Variants in PHC3 observed in about 807,000 individuals in gnomAD.
PHC3 encodes polyhomeotic-like protein 3.
PHC3 carries 13 observed loss-of-function variants against 107.4 expected under a neutral mutation model. That is an observed-to-expected ratio of 0.12 (90% CI 0.08 to 0.19). The LOEUF is 0.19. PHC3 is among the 10% of genes least tolerant of loss of function. PHC3 has a pLI of 1.00. For missense variants in PHC3, 992 were observed against 1,210.9 expected (o/e 0.82, Z 2.68); for synonymous variants, 456 against 427.4 (o/e 1.07, Z -0.83).
At chr3:170,126,504 G>GTATATATATATATATATA (rs1174515889) in intron 8 of PHC3, among the ~76,000 whole-genome samples, 3 of 117,304 alleles carry the variant, frequency 2.6e-5, no homozygotes, top group African/African-American at 1.0e-4. Flanking sequence ...TGCTCCATAT[G>GTATATATATATATATATA]TATATATATA....
rs2108531244 is a variant in PHC3, at chr3:170,140,286, GAGTCTC to G, written c.673-3627_673-3622del. Among the ~76,000 whole-genome samples the G allele has an allele frequency of 2.0e-5, 3 of 151,434 alleles. No homozygotes were observed. In the South Asian group the frequency reaches 6.3e-4, roughly 32 times the overall value. Reference sequence around the variant, plus strand: ...TTTCTTTTTTACTTTTTTTGAGACAGAGTCTCACTCAGGCTAGAGGGCAGTGGTTCA... The same window carrying G: ...TTTCTTTTTTACTTTTTTTGAGACAGACTCAGGCTAGAGGGCAGTGGTTCA... On this transcript the variant is annotated intron_variant, in intron 6 of 14. Coordinates refer to ENST00000495893, the MANE Select transcript of PHC3 (RefSeq NM_024947.4).
In PHC3 at chr3:170,090,942, A is replaced by G. The variant is rs1483832586; in HGVS notation, c.*6288T>C. 6.6e-6 allele frequency: 1 copy of G among 152,190 alleles called. No individual in the cohort carries two copies. Among genetic ancestry groups the G allele is most frequent in the African/African-American group, 2.4e-5 (1 of 41,442 alleles). The allele number at this position is 152,190 out of a possible 1,614,324, so 9.4% of individuals were successfully genotyped here. A position where few individuals can be genotyped will look rare whatever the true frequency, so the allele number is the denominator to read the frequency against. On this transcript the variant is annotated 3_prime_UTR_variant, in exon 15 of 15. Transcript: ENST00000495893. ...CCAAAACAAAAAATACTTTTAAGAG[A>G]AGCATTCTAAATAAAGATTTAAACA...
At position 170,089,588 on chromosome 3, in the gene PHC3, A is replaced by G. The variant is rs1420899628; in HGVS notation, c.*7642T>C. 1 of 152,204 alleles carries G rather than the reference A, an allele frequency of 6.6e-6. No individual in the cohort carries two copies. Among genetic ancestry groups the G allele is most frequent in the Non-Finnish European group, 1.5e-5 (1 of 68,022 alleles). 9.4% of individuals were successfully genotyped at this position (152,204 alleles called of 1,614,324 possible). On this transcript the variant is annotated 3_prime_UTR_variant, in exon 15 of 15. Transcript: ENST00000495893. Reference sequence around the variant, plus strand: ...AAAATAAATGAACAAGTCAGTTCCAATGATCTCCTTTGAGATTTTTCAGTT... The same window carrying G: ...AAAATAAATGAACAAGTCAGTTCCAGTGATCTCCTTTGAGATTTTTCAGTT...
chr3:170,126,528 AT>A (rs1553788612), intron 8 of PHC3, among the ~76,000 whole-genome samples: 21,368 of 90,380 alleles, frequency 0.24, 1,771 homozygotes, highest in Non-Finnish European at 0.26. Flanking sequence ...ATATATATAT[AT>A]TTTTTTTTTT....
intron 9 of PHC3, among the ~76,000 whole-genome samples, chr3:170,120,949 G>A (rs973866716): frequency 1.3e-5 from 2 of 152,120 alleles, no homozygotes; most frequent in African/African-American, 4.8e-5. Context: ...CAGATCAGGG[G>A]TCAGCAAACT....
chr3:170,129,993 C>T (rs908515912), intron 7 of PHC3, among the ~76,000 whole-genome samples: 4 of 152,174 alleles, frequency 2.6e-5, no homozygotes, highest in Non-Finnish European at 5.9e-5. Flanking sequence ...GCCATCACGC[C>T]TGGCCTGAAT....
chr3:170,176,225 CAA>C (rs375783409), intron 2 of PHC3, among the ~76,000 whole-genome samples: 14 of 82,322 alleles, frequency 1.7e-4, no homozygotes, highest in Admixed American at 1.3e-4. Context: ...GACTCGGTCT[CAA>C]AAAAAAAAAA....
intron 10 of PHC3, among the ~76,000 whole-genome samples, chr3:170,115,389 AAC>A (rs1413959050): frequency 6.6e-6 from 1 of 151,996 alleles, no homozygotes; most frequent in African/African-American, 2.4e-5. Flanking sequence ...TATATACACA[AAC>A]ACATATACAT....
rs377436309 is a variant in PHC3 at position 170,181,649 on chromosome 3, T to C, written c.14+53A>G. The C allele has an allele frequency of 1.9e-4, 306 of 1,612,626 alleles. 2 individuals are homozygous for C. Among genetic ancestry groups the C allele is most frequent in the Non-Finnish European group, 5.1e-5 (60 of 1,179,456 alleles). The stretch of plus-strand genomic sequence containing the variant: ...GCTTTCCCCTGGGGGAACGTGTCGC[T>C]GCCCCAACTCGCCCCCCCTAGTTAC... On this transcript the variant is annotated intron_variant, in intron 1 of 14. Transcript: ENST00000495893.
chr3:170,097,621 T>C lies in PHC3; in HGVS notation c.2834-237A>G, dbSNP rs78549735. Among the ~76,000 whole-genome samples the C allele has an allele frequency of 3.9e-3, 596 of 152,284 alleles. 20 individuals are homozygous for C. In the East Asian group the frequency reaches 0.099, roughly 25 times the overall value. ...TTTGCTTGGAATTCTTGCTCTAAAA[T>C]AATGTTATAGAAATAATTCATAAGA... On this transcript the variant is annotated intron_variant, in intron 14 of 14. Coordinates refer to ENST00000495893, the MANE Select transcript of PHC3 (RefSeq NM_024947.4). The surrounding 1 kb of genome is among the most constrained non-coding windows in gnomAD (Gnocchi z 4.1).
At chr3:170,157,771 A>C (rs1392744844) in intron 4 of PHC3, among the ~76,000 whole-genome samples, 2 of 152,098 alleles carry the variant, frequency 1.3e-5, no homozygotes, top group Non-Finnish European at 2.9e-5. Context: ...TTTTTGAGAA[A>C]ACTGAACAGT....
In PHC3 at chr3:170,097,214, A is replaced by T; in HGVS notation, c.*16T>A. 6.3e-7 allele frequency: 1 copy of T among 1,584,414 alleles called. No individual in the cohort carries two copies. Among genetic ancestry groups the T allele is most frequent in the Non-Finnish European group, 8.6e-7 (1 of 1,160,678 alleles). On this transcript the variant is annotated 3_prime_UTR_variant, in exon 15 of 15. Coordinates refer to ENST00000495893, the MANE Select transcript of PHC3 (RefSeq NM_024947.4). The surrounding 1 kb of genome is among the most constrained non-coding windows in gnomAD (Gnocchi z 4.1). ...GAAAAGTAAAACTGCTGTTTTATCA[A>T]GGCTTCATGTTCCTGTTAAGATTCC...
Position 170,172,655 on chromosome 3 carries a change from T to C in PHC3, c.238A>G (p.Met80Val), listed in dbSNP as rs1729794391. ...AAGTGCTGTTGTTGGGCTGCATACA[T>C]TTGCTGAAGGTACTGAGCAGCTGAG... Reference protein sequence around the residue: ...PSSAAQYLQQMYAAQQQHLML... With the variant: ...PSSAAQYLQQVYAAQQQHLML... The change falls in exon 3 of 15, where the codon ATG becomes GTG. Residue 80 changes from methionine to valine, a missense_variant. By Grantham distance (21) the Met-to-Val change is conservative. Transcript: ENST00000495893. 6.2e-7 allele frequency: 1 copy of C among 1,613,286 alleles called. No individual in the cohort carries two copies. Among genetic ancestry groups the C allele is most frequent in the Admixed American group, 1.7e-5 (1 of 59,974 alleles).
chr3:170,130,723 A>G (rs1052942530), intron 7 of PHC3, among the ~76,000 whole-genome samples: 1 of 152,230 alleles, frequency 6.6e-6, no homozygotes, highest in African/African-American at 2.4e-5. Flanking sequence ...AGCACAGTCA[A>G]GTGGTAGGGA....
chr3:170,127,132 T>C (rs1721444670), intron 8 of PHC3, among the ~76,000 whole-genome samples: 1 of 152,186 alleles, frequency 6.6e-6, no homozygotes. Flanking sequence ...CAAAAATCTA[T>C]TGAAAGAAAA....
At chr3:170,150,394 G>A (rs953043473) in intron 4 of PHC3, among the ~76,000 whole-genome samples, 1 of 151,922 alleles carries the variant, frequency 6.6e-6, no homozygotes, top group African/African-American at 2.4e-5. Context: ...TTCTGTTAAA[G>A]AATAAACTAG....
chr3:170,159,741 C>CT (rs1215105392), intron 4 of PHC3, among the ~76,000 whole-genome samples: 1 of 152,030 alleles, frequency 6.6e-6, no homozygotes, highest in Non-Finnish European at 1.5e-5. Flanking sequence ...AAATAAAAAA[C>CT]TAAAGCAAAC....
At position 170,119,307 on chromosome 3, in the gene PHC3, T is replaced by C. The variant is rs536781140; in HGVS notation, c.1943-1831A>G. Reference sequence around the variant, plus strand: ...GAGAACTGAAACCTAAATTAAAATTTTAATGTCCCTTACAGATTTAGAGAT... The same window carrying C: ...GAGAACTGAAACCTAAATTAAAATTCTAATGTCCCTTACAGATTTAGAGAT... On this transcript the variant is annotated intron_variant, in intron 9 of 14. Coordinates refer to ENST00000495893, the MANE Select transcript of PHC3 (RefSeq NM_024947.4). 2.0e-5 allele frequency among the ~76,000 whole-genome samples: 3 copies of C among 152,272 alleles called. No individual in the cohort carries two copies. In the South Asian group the frequency reaches 6.2e-4, roughly 32 times the overall value.
At chr3:170,101,501 G>A (rs948764744) in intron 14 of PHC3, among the ~76,000 whole-genome samples, 18 of 152,104 alleles carry the variant, frequency 1.2e-4, no homozygotes, top group Non-Finnish European at 2.1e-4. Flanking sequence ...TAGTAGACAA[G>A]TTCAAATAGG....
Sources: allele counts gnomAD v4.1 joint callset (sites outside exome capture counted in the v4.1 genomes callset), GRCh38; gene constraint gnomAD v4.1.1; non-coding constraint Gnocchi (gnomAD v3.1); transcripts MANE v1.5; gene names NCBI Gene and HGNC (gene_info 2026-07-23, HGNC 2026-07-21).